The following MED13L variants were observed in gnomAD, a reference collection of about 807,000 sequenced individuals.
MED13L encodes the protein mediator of RNA polymerase II transcription subunit 13-like.
Under a neutral mutation model 220.9 loss-of-function variants are expected in MED13L, and 7 were observed. The observed-to-expected ratio is 0.03, with a 90% confidence interval of 0.02 to 0.06. The LOEUF (loss-of-function observed/expected upper bound fraction) is 0.06. MED13L is among the 10% of genes least tolerant of loss of function. The pLI is 1.00. For missense variants in MED13L, 1,965 were observed against 2,760.5 expected, an observed-to-expected ratio of 0.71 and a Z score of 6.46; for synonymous variants, 1,011 against 1,015.2, an observed-to-expected ratio of 1.00 and a Z score of 0.08.
chr12:116,195,532 C>T (rs1486366818), intron 2 of MED13L, among the ~76,000 whole-genome samples: 1 of 152,056 alleles, frequency 6.6e-6, no homozygotes, highest in Admixed American at 6.6e-5. Flanking sequence ...CTCACTGCAA[C>T]CTCCGCCTCC....
intron 1 of MED13L, among the ~76,000 whole-genome samples, chr12:116,272,441 T>C (rs1233660407): frequency 6.6e-6 from 1 of 151,910 alleles, no homozygotes; most frequent in Non-Finnish European, 1.5e-5. Context: ...CAGGCGCCTG[T>C]AATCCCAGCT....
intron 4 of MED13L, among the ~76,000 whole-genome samples, chr12:116,066,052 G>A (rs138224822): frequency 1.3e-5 from 2 of 152,296 alleles, no homozygotes; most frequent in East Asian, 1.9e-4. Context: ...CTGTAAATGC[G>A]TTTGTAAAAG....
At chr12:116,225,308 G>A (rs1425779624) in intron 2 of MED13L, among the ~76,000 whole-genome samples, 1 of 152,098 alleles carries the variant, frequency 6.6e-6, no homozygotes, top group Non-Finnish European at 1.5e-5. Flanking sequence ...TTTTAAATCT[G>A]TTTCAGGGCT....
chr12:116,271,112 C>CAAGAGGG (rs1211945662), intron 1 of MED13L, among the ~76,000 whole-genome samples: 1 of 142,264 alleles, frequency 7.0e-6, no homozygotes, highest in Non-Finnish European at 1.5e-5. Flanking sequence ...TTAAATGACT[C>CAAGAGGG]AAGAGGGGGG....
At chr12:115,994,026 T>A (rs1011532755) in intron 16 of MED13L, among the ~76,000 whole-genome samples, 2 of 152,172 alleles carry the variant, frequency 1.3e-5, no homozygotes, top group Non-Finnish European at 2.9e-5. Context: ...TAGCCACCAG[T>A]CCCCATGTCC....
chr12:115,988,358 A>T (rs1877840159), intron 17 of MED13L, among the ~76,000 whole-genome samples: 1 of 152,084 alleles, frequency 6.6e-6, no homozygotes, highest in African/African-American at 2.4e-5. Flanking sequence ...GAACTGGGAG[A>T]CCCATATTCC....
chr12:116,230,557 C>G (rs1351463161), intron 2 of MED13L: 1 of 795,484 alleles, frequency 1.3e-6, no homozygotes, highest in Non-Finnish European at 1.5e-6. Flanking sequence ...AATCCAAATA[C>G]TGCAAATACA....
At chr12:115,978,333 T>C (rs1166231355) in intron 23 of MED13L, among the ~76,000 whole-genome samples, 5 of 149,604 alleles carry the variant, frequency 3.3e-5, no homozygotes, top group Non-Finnish European at 5.9e-5. Flanking sequence ...TTTCTTTTTT[T>C]TTTTTTTTTT....
chr12:116,268,912 T>C (rs1354330483), intron 1 of MED13L, among the ~76,000 whole-genome samples: 1 of 152,228 alleles, frequency 6.6e-6, no homozygotes, highest in Non-Finnish European at 1.5e-5. Context: ...CTTAAATATT[T>C]TCCTGCTTTA....
chr12:116,238,660 A>G (rs1017560952), intron 1 of MED13L, among the ~76,000 whole-genome samples: 1 of 152,242 alleles, frequency 6.6e-6, no homozygotes, highest in South Asian at 2.1e-4. Context: ...GTTTGCAAAA[A>G]TAACATGTAC....
intron 2 of MED13L, among the ~76,000 whole-genome samples, chr12:116,145,365 C>T (rs1877391355): frequency 6.6e-6 from 1 of 152,126 alleles, no homozygotes; most frequent in Non-Finnish European, 1.5e-5. Flanking sequence ...GGAACCGAGC[C>T]CAGGGGAGGC....
chr12:116,062,502 T>G (rs1457654116), intron 4 of MED13L, among the ~76,000 whole-genome samples: 1 of 149,540 alleles, frequency 6.7e-6, no homozygotes, highest in Non-Finnish European at 1.5e-5. Flanking sequence ...TTTTTTTTTT[T>G]TTTTGAGATG....
At chr12:116,009,990 A>G (rs767534849) in intron 9 of MED13L, among the ~76,000 whole-genome samples, 4 of 152,186 alleles carry the variant, frequency 2.6e-5, no homozygotes, top group Non-Finnish European at 4.4e-5. Flanking sequence ...CCGGTGTAGT[A>G]GTAACTCTCT....
chr12:116,049,286 C>G (rs1003597878), intron 4 of MED13L, among the ~76,000 whole-genome samples: 1 of 152,130 alleles, frequency 6.6e-6, no homozygotes, highest in Admixed American at 6.5e-5. Flanking sequence ...GCTCATAAAC[C>G]ATTATGGATG....
chr12:116,135,887 G>A lies in MED13L; in HGVS notation c.311-24375C>T, dbSNP rs776972537. Among the ~76,000 whole-genome samples, 157 of 150,610 alleles carry A rather than the reference G, an allele frequency of 1.0e-3. 1 individual carries two copies. Among genetic ancestry groups the A allele is most frequent in the Non-Finnish European group, 1.4e-3 (94 of 67,616 alleles). Reference sequence around the variant, plus strand: ...CCACTGTGCTGCTTCAAGTGGGGCTGTTTTTCAAAGATTCCCTTTTTTTTT... The same window carrying A: ...CCACTGTGCTGCTTCAAGTGGGGCTATTTTTCAAAGATTCCCTTTTTTTTT... On this transcript the variant is annotated intron_variant, in intron 2 of 30. Coordinates refer to ENST00000281928, the MANE Select transcript of MED13L (RefSeq NM_015335.5).
Position 115,961,093 on chromosome 12 carries a change from T to A in MED13L, c.*173A>T. The A allele has an allele frequency of 1.2e-6, 1 of 869,524 alleles. No homozygotes were observed. The highest frequency in any genetic ancestry group is 1.5e-5 in the South Asian group (1 of 64,658). 53.9% of individuals were successfully genotyped at this position (869,524 alleles called of 1,614,324 possible). A position where few individuals can be genotyped will look rare whatever the true frequency, so the allele number is the denominator to read the frequency against. On this transcript the variant is annotated 3_prime_UTR_variant, in exon 31 of 31. Coordinates refer to ENST00000281928, the MANE Select transcript of MED13L (RefSeq NM_015335.5). The stretch of plus-strand genomic sequence containing the variant: ...TGAGAGAAGTGTCAAGGAGTCACTC[T>A]GGTAATGAACACTGCAGAATTGACA...
intron 2 of MED13L, among the ~76,000 whole-genome samples, chr12:116,222,583 G>C (rs1430429918): frequency 6.6e-6 from 1 of 152,172 alleles, no homozygotes; most frequent in African/African-American, 2.4e-5. Flanking sequence ...AGTACTCTTT[G>C]AGCATCTTCT....
intron 4 of MED13L, among the ~76,000 whole-genome samples, chr12:116,030,828 TA>T (rs1222353706): frequency 6.6e-6 from 1 of 152,022 alleles, no homozygotes; most frequent in African/African-American, 2.4e-5. Context: ...TCTATAAAAA[TA>T]AAAGAATTTG....
chr12:116,218,481 C>T (rs1214228511), intron 2 of MED13L, among the ~76,000 whole-genome samples: 1 of 152,170 alleles, frequency 6.6e-6, no homozygotes, highest in Non-Finnish European at 1.5e-5. Flanking sequence ...CTTCACCCTA[C>T]TCTGAGACTC....
Sources: allele counts gnomAD v4.1 joint callset (sites outside exome capture counted in the v4.1 genomes callset), GRCh38; gene constraint gnomAD v4.1.1; transcripts MANE v1.5; gene names NCBI Gene and HGNC (gene_info 2026-07-23, HGNC 2026-07-21).